Variants in RPL17 observed in about 807,000 individuals in gnomAD.
RPL17 encodes the protein ribosomal protein L17.
In RPL17, 2 loss-of-function variants were observed where a neutral mutation model predicts 27.7. The observed-to-expected ratio is 0.07, with a 90% CI of 0.03 to 0.23. RPL17 has a LOEUF of 0.23. Among genes scored for constraint, RPL17 ranks in the 10% least tolerant of loss-of-function variants. The pLI is 1.00. For synonymous variants in RPL17, 76 were observed against 75.5 expected, an observed-to-expected ratio of 1.01 and a Z score of -0.03; for missense variants, 141 against 238.8, an observed-to-expected ratio of 0.59 and a Z score of 2.70.
Position 49,491,513 on chromosome 18 carries a change from C to T in RPL17, c.40+19G>A, listed in dbSNP as rs376264810. 4 of 1,614,192 alleles carry T rather than the reference C, an allele frequency of 2.5e-6. No individual in the cohort carries two copies. The African/African-American group carries it at 4.0e-5, about 16-fold the overall frequency. ...CAAGCCCCAAGTAGGAAATGGGTATCTACCTCCTGTCCACTTACATTTCGT... is the reference window on the plus strand; with the variant it reads ...CAAGCCCCAAGTAGGAAATGGGTATTTACCTCCTGTCCACTTACATTTCGT... On this transcript the variant is annotated intron_variant, in intron 2 of 6. Coordinates refer to ENST00000580261, the MANE Select transcript of RPL17 (RefSeq NM_001035006.5).
intron 1 of RPL17, chr18:49,492,085 C>T (rs1372155512): frequency 4.8e-6 from 1 of 207,624 alleles, no homozygotes; most frequent in Non-Finnish European, 1.0e-5. Context: ...CTCCACCCGA[C>T]TTTTCTTTCC....
Position 49,489,565 on chromosome 18 carries a change from A to T in RPL17, c.316-15T>A. The stretch of plus-strand genomic sequence containing the variant: ...ACATCTAAACCCTGGGGAAGAAAGG[A>T]AGGAGAATGAAACCAGGAACATCCT... On this transcript the variant is annotated splice_polypyrimidine_tract_variant and intron_variant, in intron 5 of 6. Coordinates refer to ENST00000580261, the MANE Select transcript of RPL17 (RefSeq NM_001035006.5). The T allele has an allele frequency of 6.3e-7, 1 of 1,598,982 alleles. No individual in the cohort carries two copies. The highest frequency in any genetic ancestry group is 1.7e-5 in the Admixed American group (1 of 59,940).
intron 5 of RPL17, 68 bp from the exon 6 acceptor site, chr18:49,489,618 T>C (rs2083908732): frequency 1.3e-6 from 2 of 1,502,866 alleles, no homozygotes; most frequent in East Asian, 2.3e-5. Flanking sequence ...CAAACTATCA[T>C]TGCTAAATAT....
chr18:49,491,998 C>G (rs1338252743), intron 1 of RPL17: 1 of 358,178 alleles, frequency 2.8e-6, no homozygotes, highest in East Asian at 7.2e-5. Context: ...TGAGTGCCGT[C>G]TCTCTCAACA....
chr18:49,490,409 TTAAACAACCACCCAAG>T (rs1364508804), intron 5 of RPL17, 29 bp downstream of exon 5: 1 of 1,597,450 alleles, frequency 6.3e-7, no homozygotes, highest in Non-Finnish European at 8.6e-7. Context: ...CCAACATTAA[TTAAACAACCACCCAAG>T]TTGCACAGGA....
intron 6 of RPL17, 124 bp downstream of exon 6, chr18:49,489,235 A>G: frequency 2.0e-6 from 2 of 1,007,442 alleles, no homozygotes; most frequent in Non-Finnish European, 2.8e-6. Context: ...AAAATAAGAC[A>G]GGTGAAAGGG....
chr18:49,490,532 T>C lies in RPL17; in HGVS notation c.237A>G (p.Thr79=). The change falls in exon 5 of 7, where the codon ACA becomes ACG. Residue 79 remains threonine, a synonymous_variant. Coordinates refer to ENST00000580261, the MANE Select transcript of RPL17 (RefSeq NM_001035006.5). ...CACTCTTTTTGGGCCACCGACCTTG[T>C]GTCCAGCCCCATTGCTTGGCCTGAA... ...RCAQAKQWGW[T]QGRWPKKSAE... 7 of 1,614,036 alleles carry C rather than the reference T, an allele frequency of 4.3e-6. No homozygotes were observed. Among genetic ancestry groups the C allele is most frequent in the Non-Finnish European group, 5.1e-6 (6 of 1,179,938 alleles).
At chr18:49,491,224 C>T (rs2084046922) in intron 3 of RPL17, 181 bp downstream of exon 3, 1 of 1,078,086 alleles carries the variant, frequency 9.3e-7, no homozygotes, top group Non-Finnish European at 1.4e-6. Context: ...GGTACTACTT[C>T]TCAATTTCAC....
Position 49,488,546 on chromosome 18 carries a change from C to T in RPL17, c.528G>A (p.Lys176=), listed in dbSNP as rs570018366. 3.0e-5 allele frequency: 47 copies of T among 1,564,276 alleles called. No individual in the cohort carries two copies. The South Asian group carries it at 5.0e-4, about 17-fold the overall frequency. ...QKKKISQKKL[K]KQKLMARE Reference sequence around the variant, plus strand: ...ACTCCCGTGCCATAAGTTTTTGTTTCTTCAGTTTCTTCTGGGATATCTGGG... The same window carrying T: ...ACTCCCGTGCCATAAGTTTTTGTTTTTTCAGTTTCTTCTGGGATATCTGGG... Residue 176 remains lysine (K), a synonymous_variant, in exon 7 of 7, where the codon AAG becomes AAA. Coordinates refer to ENST00000580261, the MANE Select transcript of RPL17 (RefSeq NM_001035006.5).
chr18:49,488,703 G>T (rs990499507), intron 6 of RPL17, 137 bp from the exon 7 acceptor site: 2 of 632,798 alleles, frequency 3.2e-6, no homozygotes, highest in South Asian at 3.8e-5. Flanking sequence ...GAAATCAACA[G>T]AACTTAAGTT....
At chr18:49,490,314 T>C in intron 5 of RPL17, 140 bp downstream of exon 5, 1 of 893,544 alleles carries the variant, frequency 1.1e-6, no homozygotes, top group South Asian at 1.8e-5. Flanking sequence ...ATAGTTTCAT[T>C]CTGTGGAAAC....
intron 1 of RPL17, 151 bp from the exon 2 acceptor site, chr18:49,491,735 C>T: frequency 9.9e-7 from 1 of 1,011,726 alleles, no homozygotes; most frequent in Non-Finnish European, 1.6e-6. Flanking sequence ...CGCAGCCATA[C>T]TTTCCCCCAC....
At chr18:49,491,665 C>G (rs771946791) in intron 1 of RPL17, 81 bp from the exon 2 acceptor site, 4 of 1,511,778 alleles carry the variant, frequency 2.6e-6, no homozygotes, top group African/African-American at 1.4e-5. Context: ...ATTCGAACAG[C>G]TGCTCAGAGA....
In RPL17 at chr18:49,490,913, A is replaced by G. The variant is rs533502996; in HGVS notation, c.96T>C (p.Thr32=). The G allele has an allele frequency of 4.3e-5, 69 of 1,613,976 alleles. 2 individuals carry two copies. The South Asian group carries it at 7.1e-4, about 17-fold the overall frequency. The part of the protein sequence containing the change: ...LRVHFKNTRE[T]AQAIKGMHIR... ...TATGCATACCCTTGATGGCCTGAGC[A>G]GTTTCACGAGTGTTCTAAGTATGAA... is the stretch of plus-strand genomic sequence containing the variant. Residue 32 remains threonine, a synonymous_variant, in exon 4 of 7, where the codon ACT becomes ACC. Transcript: ENST00000580261.
At chr18:49,491,150 A>G in intron 3 of RPL17, 1 of 894,608 alleles carries the variant, frequency 1.1e-6, no homozygotes, top group Admixed American at 2.2e-5. Flanking sequence ...AAATTCCATC[A>G]TCATGTAATT....
intron 6 of RPL17, among the ~76,000 whole-genome samples, chr18:49,488,972 C>T (rs2083860683): frequency 6.6e-6 from 1 of 151,666 alleles, no homozygotes; most frequent in South Asian, 2.1e-4. Flanking sequence ...GATCTCGGCT[C>T]ACTCCTAGTT....
chr18:49,491,512 T>A lies in RPL17; in HGVS notation c.40+20A>T. ...CCAAGCCCCAAGTAGGAAATGGGTA[T>A]CTACCTCCTGTCCACTTACATTTCG... is the stretch of plus-strand genomic sequence containing the variant. On this transcript the variant is annotated intron_variant, in intron 2 of 6. Coordinates refer to ENST00000580261, the MANE Select transcript of RPL17 (RefSeq NM_001035006.5). The A allele has an allele frequency of 6.2e-7, 1 of 1,614,214 alleles. No individual in the cohort carries two copies.
At chr18:49,490,601 A>T in intron 4 of RPL17, 49 bp from the exon 5 acceptor site, 2 of 1,610,914 alleles carry the variant, frequency 1.2e-6, no homozygotes, top group Non-Finnish European at 1.7e-6. Context: ...TTAAATTAAC[A>T]TTACAGCCAA....
At chr18:49,488,949 A>G (rs1005177032) in intron 6 of RPL17, among the ~76,000 whole-genome samples, 19 of 150,978 alleles carry the variant, frequency 1.3e-4, no homozygotes, top group Admixed American at 8.6e-4. Flanking sequence ...CCCAGGCTGG[A>G]GTGCAGTGGC....
Sources: allele counts gnomAD v4.1 joint callset (sites outside exome capture counted in the v4.1 genomes callset), GRCh38; gene constraint gnomAD v4.1.1; transcripts MANE v1.5; gene names NCBI Gene and HGNC (gene_info 2026-07-23, HGNC 2026-07-21).